WDR70: variants seen among roughly 807,000 people sequenced by gnomAD.
The protein encoded by WDR70 is WD repeat-containing protein 70.
Under a neutral mutation model 88.6 loss-of-function variants are expected in WDR70, and 53 were observed. That is an observed-to-expected ratio of 0.60 (90% CI 0.48 to 0.75). WDR70 has a LOEUF of 0.75. Among genes scored for constraint, WDR70 ranks in the 30% least tolerant of loss-of-function variants. The pLI is 0.00. For missense variants in WDR70, 610 were observed against 823.2 expected, an observed-to-expected ratio of 0.74 and a Z score of 3.17; for synonymous variants, 280 against 270.0, an observed-to-expected ratio of 1.04 and a Z score of -0.36.
At chr5:37,554,308 A>G (rs952914028) in intron 9 of WDR70, among the ~76,000 whole-genome samples, 2 of 152,082 alleles carry the variant, frequency 1.3e-5, no homozygotes, top group Admixed American at 6.5e-5. Flanking sequence ...GCTGGCTCAT[A>G]AAATATATGT....
At chr5:37,584,996 A>AC (rs1179685800) in intron 9 of WDR70, among the ~76,000 whole-genome samples, 1 of 111,116 alleles carries the variant, frequency 9.0e-6, no homozygotes, top group Non-Finnish European at 2.2e-5. Flanking sequence ...ATCTTTGTCC[A>AC]CTTTTTTTTT....
At chr5:37,736,305 A>G (rs1488719163) in intron 17 of WDR70, among the ~76,000 whole-genome samples, 2 of 152,154 alleles carry the variant, frequency 1.3e-5, no homozygotes, top group Middle Eastern at 3.2e-3. Flanking sequence ...TTCAGTGTGC[A>G]TATCTTGTCT....
chr5:37,677,360 T>C (rs189667144), intron 10 of WDR70, among the ~76,000 whole-genome samples: 4,521 of 152,308 alleles, frequency 0.03, 95 homozygotes, highest in Middle Eastern at 0.11. Flanking sequence ...CTGCTTTCTC[T>C]TGTGGGCATT....
intron 9 of WDR70, among the ~76,000 whole-genome samples, chr5:37,550,135 G>T (rs1561897760): frequency 6.6e-6 from 1 of 152,196 alleles, no homozygotes; most frequent in Non-Finnish European, 1.5e-5. Flanking sequence ...AGAGCCCTGG[G>T]ATTACAGGCG....
chr5:37,595,532 T>G (rs942500199), intron 9 of WDR70, among the ~76,000 whole-genome samples: 5 of 152,162 alleles, frequency 3.3e-5, no homozygotes, highest in African/African-American at 1.2e-4. Context: ...CATGTTTAGA[T>G]TTAATGTAAT....
intron 9 of WDR70, among the ~76,000 whole-genome samples, chr5:37,534,763 G>A (rs1203143775): frequency 6.6e-6 from 1 of 152,158 alleles, no homozygotes; most frequent in African/African-American, 2.4e-5. Flanking sequence ...ACAGGCATGA[G>A]CCATCGCACC....
At chr5:37,553,159 T>C (rs1028016522) in intron 9 of WDR70, among the ~76,000 whole-genome samples, 2 of 152,164 alleles carry the variant, frequency 1.3e-5, no homozygotes, top group Non-Finnish European at 2.9e-5. Flanking sequence ...ATAGTTGGTG[T>C]GGGGGAAGAA....
chr5:37,678,966 C>G (rs1189426619), intron 10 of WDR70, among the ~76,000 whole-genome samples: 2 of 152,184 alleles, frequency 1.3e-5, no homozygotes, highest in Non-Finnish European at 2.9e-5. Context: ...TCCCTTCTCG[C>G]TTCATTTCAT....
intron 4 of WDR70, 93 bp downstream of exon 4, chr5:37,392,213 T>C: frequency 1.5e-6 from 2 of 1,376,980 alleles, no homozygotes; most frequent in African/African-American, 1.5e-5. Context: ...TGAGATGGAG[T>C]CTTGCTCTAT....
At chr5:37,698,754 C>T (rs1208970348) in intron 11 of WDR70, among the ~76,000 whole-genome samples, 1 of 152,134 alleles carries the variant, frequency 6.6e-6, no homozygotes, top group Admixed American at 6.5e-5. Context: ...CAGCTTTCCC[C>T]TCAATTTAAC....
chr5:37,451,970 G>A (rs1738689822), intron 7 of WDR70, among the ~76,000 whole-genome samples: 2 of 152,012 alleles, frequency 1.3e-5, no homozygotes, highest in African/African-American at 2.4e-5. Context: ...CTCCAGCCTG[G>A]CAACAGAGTG....
intron 9 of WDR70, among the ~76,000 whole-genome samples, chr5:37,591,643 T>C (rs1743534153): frequency 1.3e-5 from 2 of 152,294 alleles, no homozygotes; most frequent in Admixed American, 6.5e-5. Context: ...ATACAAACTC[T>C]TCCAGAAACT....
chr5:37,522,866 C>T (rs762476470), intron 9 of WDR70, among the ~76,000 whole-genome samples: 19 of 152,196 alleles, frequency 1.2e-4, no homozygotes, highest in East Asian at 3.9e-4. Context: ...CCTGTGCCCA[C>T]GGAGCCTCGC....
intron 10 of WDR70, among the ~76,000 whole-genome samples, chr5:37,614,290 C>A (rs890090878): frequency 4.6e-5 from 7 of 152,140 alleles, no homozygotes; most frequent in Non-Finnish European, 7.4e-5. Context: ...AACACTGCGA[C>A]CTTCTGTTCT....
At chr5:37,557,961 T>TGAAAACTCTTCTAAAGA (rs1176435994) in intron 9 of WDR70, among the ~76,000 whole-genome samples, 4 of 148,390 alleles carry the variant, frequency 2.7e-5, no homozygotes, top group Non-Finnish European at 4.5e-5. Flanking sequence ...AAGAGTATTA[T>TGAAAACTCTTCTAAAGA]GTATATTTAT....
At chr5:37,447,139 A>T (rs1227532214) in intron 7 of WDR70, among the ~76,000 whole-genome samples, 3 of 152,240 alleles carry the variant, frequency 2.0e-5, no homozygotes, top group Non-Finnish European at 2.9e-5. Context: ...ATATGAACAG[A>T]CACTTCTCAA....
intron 9 of WDR70, among the ~76,000 whole-genome samples, chr5:37,596,061 C>G (rs1479967365): frequency 2.0e-5 from 3 of 152,160 alleles, no homozygotes; most frequent in Admixed American, 6.6e-5. Context: ...GCTTTCTTCT[C>G]CGCTTTATTT....
intron 5 of WDR70, among the ~76,000 whole-genome samples, chr5:37,429,050 G>T (rs966272486): frequency 6.6e-6 from 1 of 152,186 alleles, no homozygotes; most frequent in Non-Finnish European, 1.5e-5. Flanking sequence ...GCCTAGGCTG[G>T]ACTCAAACAC....
intron 9 of WDR70, among the ~76,000 whole-genome samples, chr5:37,518,731 G>A (rs925587280): frequency 8.0e-5 from 12 of 149,408 alleles, no homozygotes; most frequent in Admixed American, 2.0e-4. Flanking sequence ...GGTGTTTCTC[G>A]GAGAGGGGGA....
Sources: gnomAD v4.1 joint callset for allele counts (sites outside exome capture counted in the v4.1 genomes callset) on GRCh38, gnomAD v4.1.1 for gene constraint, MANE v1.5 for transcripts, NCBI Gene and HGNC (gene_info 2026-07-23, HGNC 2026-07-21) for gene names.